RBFOX1: variants seen among roughly 807,000 people sequenced by gnomAD.
The protein encoded by RBFOX1 is RNA binding fox-1 homolog 1.
A neutral mutation model predicts 57.7 loss-of-function variants in RBFOX1; 8 were observed. The ratio of observed to expected loss-of-function variants is 0.14; its 90% CI spans 0.08 to 0.25. The LOEUF (loss-of-function observed/expected upper bound fraction) is 0.25. Ranked by LOEUF, RBFOX1 falls within the 10% of genes least tolerant of loss-of-function variation. The pLI is 1.00. For missense variants in RBFOX1, 611 were observed against 548.5 expected, an observed-to-expected ratio of 1.11 and a Z score of -1.14; for synonymous variants, 326 against 222.4, an observed-to-expected ratio of 1.47 and a Z score of -4.15.
intron 3 of RBFOX1, among the ~76,000 whole-genome samples, chr16:7,011,612 C>T (rs946096694): frequency 1.3e-5 from 2 of 152,134 alleles, no homozygotes; most frequent in African/African-American, 4.8e-5. Context: ...ATCCCGGGTT[C>T]ACGCCATTAT....
chr16:5,414,515 G>T (rs1476544611), intron 1 of RBFOX1, among the ~76,000 whole-genome samples: 1 of 152,184 alleles, frequency 6.6e-6, no homozygotes, highest in Non-Finnish European at 1.5e-5. Context: ...CTGGATGTGG[G>T]TTGGTCAATT....
At chr16:6,291,104 A>G (rs943605565) in intron 1 of RBFOX1, among the ~76,000 whole-genome samples, 1 of 152,130 alleles carries the variant, frequency 6.6e-6, no homozygotes, top group Non-Finnish European at 1.5e-5. Flanking sequence ...CTGGGAGTAC[A>G]GCAGTGGTCA....
At chr16:5,766,442 G>T (rs1369341405) in intron 3 of RBFOX1, among the ~76,000 whole-genome samples, 1 of 152,090 alleles carries the variant, frequency 6.6e-6, no homozygotes, top group Non-Finnish European at 1.5e-5. Context: ...AAAATTAGCT[G>T]GGTGTGGTGG....
chr16:7,403,999 C>T (rs910843512), intron 4 of RBFOX1, among the ~76,000 whole-genome samples: 5 of 140,476 alleles, frequency 3.6e-5, no homozygotes, highest in African/African-American at 1.0e-4. Flanking sequence ...CCGCAGTGAA[C>T]ATGGGAGTGC....
intron 3 of RBFOX1, among the ~76,000 whole-genome samples, chr16:5,670,595 C>T (rs900661511): frequency 2.0e-5 from 3 of 152,222 alleles, no homozygotes; most frequent in Admixed American, 6.5e-5. Flanking sequence ...GTAAAAGAGA[C>T]AACTGTCACT....
chr16:7,225,905 A>AATAAATATATATATATATATATATAT (rs66510060), intron 4 of RBFOX1, among the ~76,000 whole-genome samples: 14 of 93,738 alleles, frequency 1.5e-4, no homozygotes, highest in Middle Eastern at 5.5e-3. Flanking sequence ...AAGTATAATA[A>AATAAATATATATATATATATATATAT]ATATATATAT....
intron 4 of RBFOX1, among the ~76,000 whole-genome samples, chr16:7,382,089 A>G (rs958654745): frequency 3.9e-5 from 6 of 152,240 alleles, no homozygotes; most frequent in African/African-American, 1.4e-4. Context: ...ACTGCCTAAA[A>G]TAAAATTCAA....
At chr16:6,113,837 G>A (rs9923768) in intron 1 of RBFOX1, among the ~76,000 whole-genome samples, 99,089 of 152,070 alleles carry the variant, frequency 0.65, 33,151 homozygotes, top group African/African-American at 0.8. Flanking sequence ...TTTTACATCT[G>A]TTATTCCACT....
At chr16:7,692,927 T>A (rs1193902976) in intron 14 of RBFOX1, among the ~76,000 whole-genome samples, 1 of 152,146 alleles carries the variant, frequency 6.6e-6, no homozygotes, top group African/African-American at 2.4e-5. Flanking sequence ...TTTTATAATT[T>A]TTCTAGCTAG....
At position 5,272,212 on chromosome 16, in the gene RBFOX1, A is replaced by C. The variant is rs372912842; in HGVS notation, c.219+32107A>C. 2.6e-5 allele frequency among the ~76,000 whole-genome samples: 4 copies of C among 152,374 alleles called. No homozygotes were observed. The East Asian group carries it at 7.7e-4, about 29-fold the overall frequency. ...TACCTTTCAAAATAACTAAGAGGGTACATTTCAAATGTCTCATCCTAAAAA... is the reference window on the plus strand; with the variant it reads ...TACCTTTCAAAATAACTAAGAGGGTCCATTTCAAATGTCTCATCCTAAAAA... On this transcript the variant is annotated intron_variant, in intron 1 of 2. Coordinates refer to the RBFOX1 transcript ENST00000585867.
At chr16:6,318,687 G>A (rs1340455412) in intron 2 of RBFOX1, among the ~76,000 whole-genome samples, 1 of 152,108 alleles carries the variant, frequency 6.6e-6, no homozygotes, top group East Asian at 1.9e-4. Flanking sequence ...GTACATGGAT[G>A]TAAGGGAGCT....
intron 2 of RBFOX1, among the ~76,000 whole-genome samples, chr16:6,409,580 T>G (rs914224818): frequency 2.0e-5 from 3 of 152,198 alleles, no homozygotes; most frequent in African/African-American, 4.8e-5. Context: ...TGGGATTTTT[T>G]TAAGCTAAGA....
At chr16:6,728,830 C>G (rs1037759868) in intron 3 of RBFOX1, among the ~76,000 whole-genome samples, 26 of 152,140 alleles carry the variant, frequency 1.7e-4, no homozygotes, top group Non-Finnish European at 2.6e-4. Flanking sequence ...AATAGTTGAT[C>G]TAATTCATGT....
Position 6,974,604 on chromosome 16 carries a change from C to G in RBFOX1, c.-15-77453C>G, listed in dbSNP as rs558120249. On this transcript the variant is annotated intron_variant, in intron 3 of 15. Coordinates refer to ENST00000550418, the MANE Select transcript of RBFOX1 (RefSeq NM_018723.4). ...AGGTGATCTGCCCACCTCGGCCTCC[C>G]AAAGTGCTGGGATTACAGGCGTGAG... Among the ~76,000 whole-genome samples, 7 of 152,186 alleles carry G rather than the reference C, an allele frequency of 4.6e-5. No individual in the cohort carries two copies. In the South Asian group the frequency reaches 8.3e-4, roughly 18 times the overall value.
intron 3 of RBFOX1, among the ~76,000 whole-genome samples, chr16:5,830,458 G>T (rs191691965): frequency 2.2e-4 from 33 of 152,164 alleles, no homozygotes; most frequent in African/African-American, 7.2e-4. Context: ...CGCCACTGAG[G>T]GAAAGAGGAT....
At chr16:7,522,747 T>A (rs1262629089) in intron 5 of RBFOX1, among the ~76,000 whole-genome samples, 1 of 152,080 alleles carries the variant, frequency 6.6e-6, no homozygotes, top group East Asian at 1.9e-4. Context: ...AAGAAAGTGA[T>A]GAAGTGTTTT....
intron 4 of RBFOX1, among the ~76,000 whole-genome samples, chr16:7,185,001 C>T (rs2083440019): frequency 6.7e-6 from 1 of 149,306 alleles, no homozygotes; most frequent in South Asian, 2.1e-4. Flanking sequence ...ATAGGATAGC[C>T]CCACTTTGCC....
intron 12 of RBFOX1, among the ~76,000 whole-genome samples, chr16:7,662,138 C>G (rs1185378355): frequency 2.6e-5 from 4 of 152,206 alleles, no homozygotes; most frequent in Non-Finnish European, 4.4e-5. Flanking sequence ...CCTCCAAGGC[C>G]TGGGATCAAT....
chr16:6,540,335 C>A (rs141954856), intron 2 of RBFOX1, among the ~76,000 whole-genome samples: 1 of 151,630 alleles, frequency 6.6e-6, no homozygotes, highest in Non-Finnish European at 1.5e-5. Flanking sequence ...CAACTCAGGC[C>A]TAGCGTGGTG....
Sources: allele counts gnomAD v4.1 joint callset (sites outside exome capture counted in the v4.1 genomes callset), GRCh38; gene constraint gnomAD v4.1.1; transcripts MANE v1.5; gene names NCBI Gene and HGNC (gene_info 2026-07-23, HGNC 2026-07-21).